SNTG1: variants seen among roughly 807,000 people sequenced by gnomAD.
SNTG1 encodes the protein gamma-1-syntrophin.
SNTG1 carries 39 observed loss-of-function variants against 74.7 expected under a neutral mutation model. The ratio of observed to expected loss-of-function variants is 0.52; its 90% confidence interval spans 0.40 to 0.68. SNTG1 has a LOEUF of 0.68. Ranked by LOEUF, SNTG1 falls within the 30% of genes least tolerant of loss-of-function variation. SNTG1 has a pLI of 0.00. For synonymous variants in SNTG1, 254 were observed against 217.1 expected, an observed-to-expected ratio of 1.17 and a Z score of -1.49; for missense variants, 685 against 609.5, an observed-to-expected ratio of 1.12 and a Z score of -1.30.
intron 2 of SNTG1, among the ~76,000 whole-genome samples, chr8:50,295,179 T>C (rs554536032): frequency 1.3e-5 from 2 of 152,304 alleles, no homozygotes; most frequent in African/African-American, 4.8e-5. Flanking sequence ...ACAAAGTACA[T>C]TCTTAAGGAT....
chr8:50,127,077 A>G (rs1384568184), intron 1 of SNTG1, among the ~76,000 whole-genome samples: 1 of 152,150 alleles, frequency 6.6e-6, no homozygotes, highest in Non-Finnish European at 1.5e-5. Flanking sequence ...GAAGACAGAA[A>G]AATGTTAGGT....
chr8:50,033,886 G>C (rs1309304701), intron 1 of SNTG1, among the ~76,000 whole-genome samples: 3 of 152,028 alleles, frequency 2.0e-5, no homozygotes, highest in African/African-American at 7.3e-5. Flanking sequence ...CCTATTATTT[G>C]GAATAAGAAG....
intron 12 of SNTG1, among the ~76,000 whole-genome samples, chr8:50,582,339 C>A (rs1585752025): frequency 6.6e-6 from 1 of 152,124 alleles, no homozygotes; most frequent in African/African-American, 2.4e-5. Context: ...GCAGTATAGA[C>A]TGAGACAGAC....
intron 13 of SNTG1, among the ~76,000 whole-genome samples, chr8:50,647,510 T>C (rs867070153): frequency 7.9e-5 from 12 of 151,812 alleles, no homozygotes; most frequent in African/African-American, 2.4e-4. Context: ...TTTCATTCTG[T>C]TGGGGTATTT....
At chr8:50,092,196 T>C (rs915069305) in intron 1 of SNTG1, among the ~76,000 whole-genome samples, 1 of 152,194 alleles carries the variant, frequency 6.6e-6, no homozygotes, top group African/African-American at 2.4e-5. Context: ...AAGGAGGACA[T>C]AGCAGGGACT....
intron 2 of SNTG1, among the ~76,000 whole-genome samples, chr8:50,296,385 T>A (rs2089373901): frequency 6.6e-6 from 1 of 152,160 alleles, no homozygotes; most frequent in African/African-American, 2.4e-5. Flanking sequence ...AATGATAGAC[T>A]GTATAAAGAA....
chr8:50,136,676 G>T (rs776534746), intron 1 of SNTG1, among the ~76,000 whole-genome samples: 1 of 152,106 alleles, frequency 6.6e-6, no homozygotes. Context: ...CCTTCCTGAA[G>T]CATCAATTTA....
At chr8:50,688,929 T>G (rs1408534881) in intron 15 of SNTG1, among the ~76,000 whole-genome samples, 2 of 152,146 alleles carry the variant, frequency 1.3e-5, no homozygotes, top group East Asian at 1.9e-4. Context: ...CTCTTGTATT[T>G]CATTGAGCAG....
chr8:50,734,684 A>G (rs1365847218), intron 17 of SNTG1, among the ~76,000 whole-genome samples: 1 of 147,152 alleles, frequency 6.8e-6, no homozygotes, highest in Non-Finnish European at 1.5e-5. Flanking sequence ...ATAGATATGT[A>G]TATATGGACA....
chr8:50,369,056 G>A (rs2092201118), intron 2 of SNTG1, among the ~76,000 whole-genome samples: 1 of 152,082 alleles, frequency 6.6e-6, no homozygotes, highest in Non-Finnish European at 1.5e-5. Context: ...GTTAATGCTG[G>A]AATAAGTTAA....
At position 49,911,544 on chromosome 8, in the gene SNTG1, G is replaced by A. The variant is rs1805581229; in HGVS notation, c.-790G>A. The A allele has an allele frequency of 7.3e-6, 1 of 136,514 alleles. No individual in the cohort carries two copies. The highest frequency in any genetic ancestry group is 2.3e-4 in the South Asian group (1 of 4,300). The allele number at this position is 136,514 out of a possible 1,614,324, so 8.5% of individuals were successfully genotyped here. A position where few individuals can be genotyped will look rare whatever the true frequency, so the allele number is the denominator to read the frequency against. The stretch of plus-strand genomic sequence containing the variant: ...GACTGTTAATTTGGAGAAACAATTA[G>A]CCCCTACAAAAAAAAAAAAGAAAGA... On this transcript the variant is annotated 5_prime_UTR_variant, in exon 1 of 19. It removes the in-frame stop codon of an upstream open reading frame in the 5' UTR. Transcript: ENST00000642720.
rs536221627 is a variant in SNTG1 at position 50,509,840 on chromosome 8, T to A, written c.466+6960T>A. On this transcript the variant is annotated intron_variant, in intron 9 of 18. Transcript: ENST00000642720. ...GGCTGAGATGATGGGGTTTTCTAAA[T>A]ATACAATCATGTCATCTGCAAGCAG... Among the ~76,000 whole-genome samples, 199 of 152,288 alleles carry A rather than the reference T, an allele frequency of 1.3e-3. 5 individuals carry two copies. Among genetic ancestry groups the A allele is most frequent in the Admixed American group, 0.011 (163 of 15,294 alleles).
chr8:50,305,983 G>A (rs1375873105), intron 2 of SNTG1, among the ~76,000 whole-genome samples: 1 of 151,048 alleles, frequency 6.6e-6, no homozygotes, highest in Non-Finnish European at 1.5e-5. Flanking sequence ...AATGAATTCT[G>A]TGATTTTAGT....
At chr8:50,019,108 A>G (rs1256798337) in intron 1 of SNTG1, among the ~76,000 whole-genome samples, 1 of 152,036 alleles carries the variant, frequency 6.6e-6, no homozygotes, top group Admixed American at 6.6e-5. Flanking sequence ...TACGTGTGGG[A>G]ATTATTTTGT....
chr8:50,110,260 C>T (rs746990655), intron 1 of SNTG1, among the ~76,000 whole-genome samples: 2 of 152,106 alleles, frequency 1.3e-5, no homozygotes, highest in Non-Finnish European at 2.9e-5. Flanking sequence ...TTTCCCTCCT[C>T]TCTCCTCATA....
intron 1 of SNTG1, among the ~76,000 whole-genome samples, chr8:49,942,767 A>G (rs1033724425): frequency 2.0e-5 from 3 of 152,200 alleles, no homozygotes; most frequent in Admixed American, 1.3e-4. Context: ...CCACAGAGGT[A>G]AATTGCCATT....
At chr8:50,469,485 T>C (rs1352138562) in intron 8 of SNTG1, among the ~76,000 whole-genome samples, 1 of 152,094 alleles carries the variant, frequency 6.6e-6, no homozygotes, top group Non-Finnish European at 1.5e-5. Flanking sequence ...TGCAAAGTCA[T>C]TATCTGGGCT....
At chr8:50,272,049 C>T (rs2087812554) in intron 2 of SNTG1, among the ~76,000 whole-genome samples, 1 of 152,108 alleles carries the variant, frequency 6.6e-6, no homozygotes, top group Admixed American at 6.6e-5. Flanking sequence ...TCGAATCTGC[C>T]TGTATTTTTT....
intron 1 of SNTG1, among the ~76,000 whole-genome samples, chr8:49,937,206 C>T (rs138159803): frequency 1.3e-5 from 2 of 152,012 alleles, no homozygotes; most frequent in East Asian, 3.9e-4. Flanking sequence ...GAAGTCAGAC[C>T]AAACAAAGGG....
Sources: gnomAD v4.1 joint callset for allele counts (sites outside exome capture counted in the v4.1 genomes callset) on GRCh38, gnomAD v4.1.1 for gene constraint, MANE v1.5 for transcripts, NCBI Gene and HGNC (gene_info 2026-07-23, HGNC 2026-07-21) for gene names.